Variants in NAV1 observed in about 807,000 individuals in gnomAD.
NAV1 encodes neuron navigator 1, also known as pore membrane and/or filament interacting like protein 3.
NAV1 carries 18 observed loss-of-function variants against 175.2 expected under a neutral mutation model. That is an observed-to-expected ratio of 0.10 (90% CI 0.07 to 0.15). NAV1 has a LOEUF of 0.15. Ranked by LOEUF, NAV1 falls within the 10% of genes least tolerant of loss-of-function variation. The pLI is 1.00. For missense variants in NAV1, 1,731 were observed against 2,436.6 expected, an observed-to-expected ratio of 0.71 and a Z score of 6.10; for synonymous variants, 897 against 978.7, an observed-to-expected ratio of 0.92 and a Z score of 1.56.
chr1:201,783,317 AC>A (rs1036377335), intron 6 of NAV1, 88 bp from the exon 11 acceptor site: 1 of 1,322,042 alleles, frequency 7.6e-7, no homozygotes, highest in African/African-American at 1.5e-5. Flanking sequence ...TAGGCAGAAA[AC>A]AAGACTGGAT....
chr1:201,704,625 C>T (rs1188567817), intron 1 of NAV1, among the ~76,000 whole-genome samples: 1 of 152,216 alleles, frequency 6.6e-6, no homozygotes, highest in African/African-American at 2.4e-5. Flanking sequence ...AATGGACATC[C>T]AATACTGGTG....
At chr1:201,580,469 G>A (rs1457283582) in intron 1 of NAV1, among the ~76,000 whole-genome samples, 1 of 152,144 alleles carries the variant, frequency 6.6e-6, no homozygotes, top group Non-Finnish European at 1.5e-5. Context: ...TACCATCCAA[G>A]TATTTAGAAC....
rs1678806054 is a variant in NAV1, at chr1:201,813,292, TC to T, written c.5340+35del. 1 of 1,374,782 alleles carries T rather than the reference TC, an allele frequency of 7.3e-7. No homozygotes were observed. Among genetic ancestry groups the T allele is most frequent in the African/African-American group, 1.4e-5 (1 of 69,936 alleles). The allele number at this position is 1,374,782 out of a possible 1,614,324, so 85.2% of individuals were successfully genotyped here. A position where few individuals can be genotyped will look rare whatever the true frequency, so the allele number is the denominator to read the frequency against. ...TACCCCCTTCACTCAAACCCTAAGA[TC>T]AGGCTGTCCTACCTAACAAAGTAGG... On this transcript the variant is annotated intron_variant, in intron 28 of 29. Coordinates refer to ENST00000367296, the Ensembl canonical transcript of NAV1. This position sits in a 1 kb window ranked among gnomAD's most constrained non-coding sequence, Gnocchi z 4.2.
At chr1:201,757,361 C>T (rs145738724) in intron 3 of NAV1, among the ~76,000 whole-genome samples, 8 of 152,082 alleles carry the variant, frequency 5.3e-5, no homozygotes, top group African/African-American at 1.9e-4. Context: ...CTCTTAACTT[C>T]TGGGCTCAAG....
chr1:201,652,798 T>C (rs1243905176), intron 1 of NAV1, among the ~76,000 whole-genome samples: 1 of 152,096 alleles, frequency 6.6e-6, no homozygotes, highest in African/African-American at 2.4e-5. Context: ...CGCAATAGAA[T>C]ACAGATGCAC....
chr1:201,642,561 C>CTTTCTTTCTTTCTTTCTTTCTTTCTTT (rs1223515987), intron 2 of NAV1, among the ~76,000 whole-genome samples: 2 of 92,622 alleles, frequency 2.2e-5, no homozygotes, highest in Non-Finnish European at 2.1e-5. Context: ...TTCTTTTTTC[C>CTTTCTTTCTTTCTTTCTTTCTTTCTTT]CTTTCTTCCC....
Position 201,588,223 on chromosome 1 carries a change from G to A in NAV1, c.-143-316G>A, listed in dbSNP as rs185881645. ...TATATCATACAGTGGAATCTTATTCGGCTGTAAAAAGGAATGAGGTGCTGA... is the reference window on the plus strand; with the variant it reads ...TATATCATACAGTGGAATCTTATTCAGCTGTAAAAAGGAATGAGGTGCTGA... On this transcript the variant is annotated intron_variant, in intron 1 of 33. Transcript: ENST00000685211. 1.4e-3 allele frequency among the ~76,000 whole-genome samples: 210 copies of A among 152,268 alleles called. 1 individual carries two copies. Among genetic ancestry groups the A allele is most frequent in the Middle Eastern group, 6.8e-3 (2 of 294 alleles).
chr1:201,730,921 C>A (rs983472570), intron 3 of NAV1, among the ~76,000 whole-genome samples: 7 of 152,276 alleles, frequency 4.6e-5, no homozygotes, highest in African/African-American at 1.7e-4. Flanking sequence ...GAGGGACTTA[C>A]CTACGGAAGT....
At chr1:201,804,189 G>A (rs1394284925) in intron 16 of NAV1, 7 of 515,650 alleles carry the variant, frequency 1.4e-5, no homozygotes, top group East Asian at 3.6e-5. Flanking sequence ...CCTTTGGTAG[G>A]TCCAGAAGTC....
chr1:201,678,692 C>T (rs1670354229), intron 1 of NAV1, among the ~76,000 whole-genome samples: 1 of 152,170 alleles, frequency 6.6e-6, no homozygotes, highest in Non-Finnish European at 1.5e-5. Flanking sequence ...TTTCCAAAGT[C>T]CCAGGCTGCA....
At chr1:201,766,534 T>C (rs889460579) in intron 3 of NAV1, among the ~76,000 whole-genome samples, 87 of 152,334 alleles carry the variant, frequency 5.7e-4, no homozygotes, top group African/African-American at 2.1e-3. Context: ...CTATTATCTT[T>C]TTTTTAAAAA....
chr1:201,784,569 ATTTT>A (rs35341000), intron 7 of NAV1, among the ~76,000 whole-genome samples: 2 of 136,846 alleles, frequency 1.5e-5, no homozygotes, highest in Non-Finnish European at 3.1e-5. Context: ...AATACGATCT[ATTTT>A]TTTTTTTTTT....
rs1220403174 is a variant in NAV1, at chr1:201,750,477, C to G, written c.1227-29944C>G. On this transcript the variant is annotated intron_variant, in intron 3 of 29. Transcript: ENST00000367296. This position sits in a 1 kb window ranked among gnomAD's most constrained non-coding sequence, Gnocchi z 4.1. ...TACCTGTTTCATACATTGAGGACTT[C>G]TGGTTAAAATGTTAGTAAAAACGAT... 1.3e-5 allele frequency among the ~76,000 whole-genome samples: 2 copies of G among 152,086 alleles called. No individual in the cohort carries two copies. The highest frequency in any genetic ancestry group is 3.9e-4 in the East Asian group (2 of 5,178).
chr1:201,623,304 C>T, exon 1 of NAV1: 2 of 985,934 alleles, frequency 2.0e-6, no homozygotes, highest in Non-Finnish European at 2.4e-6. Context: ...CTCCAGTCTG[C>T]CAGACCCGGG....
At chr1:201,816,964 G>A (rs1054736010) in intron 28 of NAV1, 124 bp from the exon 33 acceptor site, 5 of 806,410 alleles carry the variant, frequency 6.2e-6, no homozygotes, top group Non-Finnish European at 3.9e-6. Context: ...ATGAGCCACT[G>A]CGCCTGGCCA....
At position 201,786,073 on chromosome 1, in the gene NAV1, A is replaced by G. The variant is rs533825740; in HGVS notation, c.2847-356A>G. Among the ~76,000 whole-genome samples, 110 of 152,216 alleles carry G rather than the reference A, an allele frequency of 7.2e-4. 1 individual carries two copies. The highest frequency in any genetic ancestry group is 2.6e-3 in the African/African-American group (108 of 41,544). The stretch of plus-strand genomic sequence containing the variant: ...CTCCCAAAGTGCTGGGATTACAGGC[A>G]TGAGCCACTGTGCCTGACCGACTCT... On this transcript the variant is annotated intron_variant, in intron 8 of 29. Transcript: ENST00000367296.
chr1:201,547,846 G>A (rs536716534), intron 1 of NAV1, among the ~76,000 whole-genome samples: 2 of 152,272 alleles, frequency 1.3e-5, no homozygotes, highest in South Asian at 4.2e-4. Context: ...CCAGGCTAGA[G>A]TGCAGTGGCA....
At chr1:201,649,550 A>G (rs1239552425) in intron 1 of NAV1, 125 bp downstream of exon 5, 3 of 1,403,386 alleles carry the variant, frequency 2.1e-6, no homozygotes, top group African/African-American at 1.4e-5. Flanking sequence ...GTTCACGATC[A>G]GGCTGTGATG....
In NAV1 at chr1:201,597,083, C is replaced by A. The variant is rs189541412; in HGVS notation, c.-33+8434C>A. 2.6e-5 allele frequency among the ~76,000 whole-genome samples: 4 copies of A among 152,278 alleles called. No homozygotes were observed. In the East Asian group the frequency reaches 7.7e-4, roughly 29 times the overall value. On this transcript the variant is annotated intron_variant, in intron 2 of 33. Coordinates refer to the NAV1 transcript ENST00000685211. ...TCAAGTGATCCTCCTGCCTCGGCCTCCCAAAGTGCTGGGATTACAGACGTG... is the reference window on the plus strand; with the variant it reads ...TCAAGTGATCCTCCTGCCTCGGCCTACCAAAGTGCTGGGATTACAGACGTG...
Sources: gnomAD v4.1 joint callset for allele counts (sites outside exome capture counted in the v4.1 genomes callset) on GRCh38, gnomAD v4.1.1 for gene constraint, Gnocchi (gnomAD v3.1) non-coding constraint, MANE v1.5 for transcripts, NCBI Gene and HGNC (gene_info 2026-07-23, HGNC 2026-07-21) for gene names.